FAM114A1: variants seen among roughly 807,000 people sequenced by gnomAD.
FAM114A1 encodes the protein family with sequence similarity 114 member A1.
Under a neutral mutation model 64.3 loss-of-function variants are expected in FAM114A1, and 62 were observed. The observed-to-expected ratio is 0.96, with a 90% CI of 0.79 to 1.19. The LOEUF (loss-of-function observed/expected upper bound fraction) is 1.19. FAM114A1 is among the 50% of genes most tolerant of loss of function. FAM114A1 has a pLI of 0.00. For synonymous variants in FAM114A1, 254 were observed against 251.1 expected (o/e 1.01, Z -0.11); for missense variants, 645 against 676.3 (o/e 0.95, Z 0.51).
intron 7 of FAM114A1, among the ~76,000 whole-genome samples, chr4:38,909,070 G>C (rs1579353824): frequency 1.3e-5 from 2 of 152,104 alleles, no homozygotes; most frequent in African/African-American, 2.4e-5. Context: ...TCAACCCAGT[G>C]GTAACATACT....
chr4:38,868,087 G>T, intron 1 of FAM114A1: 1 of 421,258 alleles, frequency 2.4e-6, no homozygotes, highest in East Asian at 9.2e-5. Flanking sequence ...GTGTCGCTCC[G>T]GGTCCACGCT....
intron 3 of FAM114A1, among the ~76,000 whole-genome samples, chr4:38,884,204 G>T (rs1715574689): frequency 6.6e-6 from 1 of 152,218 alleles, no homozygotes; most frequent in African/African-American, 2.4e-5. Flanking sequence ...GCCCAGGCAG[G>T]TCTGAAACTC....
chr4:38,940,855 C>A, intron 13 of FAM114A1, 113 bp from the exon 14 acceptor site: 1 of 1,096,396 alleles, frequency 9.1e-7, no homozygotes, highest in Non-Finnish European at 1.4e-6. Flanking sequence ...TTCTGCTTCC[C>A]CTCCTCTTCC....
At chr4:38,904,532 C>T (rs953793264) in intron 4 of FAM114A1, among the ~76,000 whole-genome samples, 3 of 152,178 alleles carry the variant, frequency 2.0e-5, no homozygotes, top group Admixed American at 1.3e-4. Context: ...CTGTGCTCTT[C>T]GCCTGCCTGA....
chr4:38,923,800 C>A (rs1719857270), intron 9 of FAM114A1, among the ~76,000 whole-genome samples: 1 of 152,036 alleles, frequency 6.6e-6, no homozygotes, highest in South Asian at 2.1e-4. Context: ...ATAACTTGAC[C>A]TCAAGGAGAT....
At chr4:38,932,173 G>A in intron 11 of FAM114A1, 62 bp from the exon 12 acceptor site, 1 of 1,524,956 alleles carries the variant, frequency 6.6e-7, no homozygotes, top group South Asian at 1.3e-5. Flanking sequence ...TAATGTCACA[G>A]CATTTTTTTA....
chr4:38,906,060 T>C (rs1029581518), intron 6 of FAM114A1, among the ~76,000 whole-genome samples, 199 bp downstream of exon 6: 7 of 152,120 alleles, frequency 4.6e-5, no homozygotes, highest in African/African-American at 1.7e-4. Context: ...AAATGAAATA[T>C]ATTTTATGTT....
At chr4:38,892,650 C>T (rs183186988) in intron 4 of FAM114A1, among the ~76,000 whole-genome samples, 58 of 152,304 alleles carry the variant, frequency 3.8e-4, no homozygotes, top group African/African-American at 1.2e-3. Flanking sequence ...GGCATTTCAT[C>T]TTGAAGGTGG....
chr4:38,923,606 T>G (rs539515486), intron 9 of FAM114A1, among the ~76,000 whole-genome samples: 1 of 152,190 alleles, frequency 6.6e-6, no homozygotes, highest in Non-Finnish European at 1.5e-5. Context: ...TCCCTGAATT[T>G]TTTTGTATAT....
At chr4:38,886,172 CT>C (rs36090599) in intron 3 of FAM114A1, among the ~76,000 whole-genome samples, 5,978 of 137,338 alleles carry the variant, frequency 0.044, 294 homozygotes, top group African/African-American at 0.13. Flanking sequence ...AGATAAGCAC[CT>C]TTTTTTTTTT....
At chr4:38,879,918 A>AATTAGCC (rs1477557518) in intron 3 of FAM114A1, among the ~76,000 whole-genome samples, 1 of 151,918 alleles carries the variant, frequency 6.6e-6, no homozygotes, top group Non-Finnish European at 1.5e-5. Flanking sequence ...AAATACAAAA[A>AATTAGCC]ATTAGCCAGG....
chr4:38,932,043 GT>G (rs1720687125), intron 11 of FAM114A1, among the ~76,000 whole-genome samples, 191 bp from the exon 12 acceptor site: 2 of 152,236 alleles, frequency 1.3e-5, no homozygotes, highest in Non-Finnish European at 2.9e-5. Flanking sequence ...TGCCACATCC[GT>G]GGGGGCTTTA....
At chr4:38,873,119 G>C (rs540428435) in intron 2 of FAM114A1, among the ~76,000 whole-genome samples, 3 of 152,270 alleles carry the variant, frequency 2.0e-5, no homozygotes, top group East Asian at 3.9e-4. Context: ...AGCTAGGCTT[G>C]AACCTGGCTC....
At chr4:38,902,587 T>C (rs1717616991) in intron 4 of FAM114A1, among the ~76,000 whole-genome samples, 1 of 152,228 alleles carries the variant, frequency 6.6e-6, no homozygotes, top group Non-Finnish European at 1.5e-5. Flanking sequence ...AAATGATACA[T>C]TATCGAAGCA....
At chr4:38,939,139 C>T (rs1721368867) in intron 13 of FAM114A1, among the ~76,000 whole-genome samples, 1 of 152,172 alleles carries the variant, frequency 6.6e-6, no homozygotes, top group African/African-American at 2.4e-5. Context: ...TGTAGCAAGG[C>T]TGTGGCAGAT....
chr4:38,910,320 C>T (rs565249418), intron 7 of FAM114A1, among the ~76,000 whole-genome samples: 1 of 152,028 alleles, frequency 6.6e-6, no homozygotes, highest in Non-Finnish European at 1.5e-5. Context: ...AACAACCACC[C>T]CTAAGTATCA....
Position 38,943,503 on chromosome 4 carries a change from G to A in FAM114A1, c.1638G>A (p.Leu546=), listed in dbSNP as rs748614842. The A allele has an allele frequency of 1.9e-6, 3 of 1,614,078 alleles. 1 individual carries two copies. The South Asian group carries it at 3.3e-5, about 18-fold the overall frequency. ...TACAGGATGCCTTCCAGCTGCTGCTGCCTGTTCTGCAGGTCTCACATATCC... is the reference window on the plus strand; with the variant it reads ...TACAGGATGCCTTCCAGCTGCTGCTACCTGTTCTGCAGGTCTCACATATCC... ...TYIQDAFQLL[L]PVLQVSHIQT... Residue 546 remains leucine (L), a synonymous_variant, in exon 15 of 15, where the codon CTG becomes CTA. Coordinates refer to ENST00000358869, the MANE Select transcript of FAM114A1 (RefSeq NM_138389.4).
chr4:38,933,115 G>T (rs985735949), intron 12 of FAM114A1, among the ~76,000 whole-genome samples: 1 of 152,150 alleles, frequency 6.6e-6, no homozygotes, highest in Admixed American at 6.5e-5. Context: ...GCCTCCCAAA[G>T]TGCTGGGATT....
At chr4:38,940,886 A>C in intron 13 of FAM114A1, 82 bp from the exon 14 acceptor site, 1 of 1,424,792 alleles carries the variant, frequency 7.0e-7, no homozygotes, top group Non-Finnish European at 9.9e-7. Context: ...ATCCCTCAAC[A>C]AAGCTAGTGT....
Sources: gnomAD v4.1 joint callset for allele counts (sites outside exome capture counted in the v4.1 genomes callset) on GRCh38, gnomAD v4.1.1 for gene constraint, MANE v1.5 for transcripts, NCBI Gene and HGNC (gene_info 2026-07-23, HGNC 2026-07-21) for gene names.